The following CNTNAP2 variants were observed in gnomAD, a reference collection of about 807,000 sequenced individuals.
CNTNAP2 encodes contactin associated protein 2, also known as contactin-associated protein-like 2.
In CNTNAP2, 98 loss-of-function variants were observed where a neutral mutation model predicts 155.2. The observed-to-expected ratio is 0.63, with a 90% CI of 0.54 to 0.75. The LOEUF is 0.75. CNTNAP2 is among the 30% of genes least tolerant of loss of function. The probability of loss-of-function intolerance (pLI) is 0.00; values close to 1 mark genes in which losing one functional copy is unlikely to be tolerated. For synonymous variants in CNTNAP2, 651 were observed against 631.2 expected (o/e 1.03, Z -0.47); for missense variants, 1,727 against 1,688.1 (o/e 1.02, Z -0.40).
intron 10 of CNTNAP2, among the ~76,000 whole-genome samples, chr7:147,476,440 T>A (rs1461376739): frequency 1.3e-5 from 2 of 148,864 alleles, no homozygotes; most frequent in African/African-American, 2.4e-5. Flanking sequence ...GATTTCATCA[T>A]GACTTTTTAA....
chr7:147,237,175 C>T (rs953997115), intron 8 of CNTNAP2, among the ~76,000 whole-genome samples: 14 of 150,088 alleles, frequency 9.3e-5, no homozygotes, highest in South Asian at 4.2e-4. Flanking sequence ...AAGCAATTCT[C>T]GTGCCTCAGC....
intron 9 of CNTNAP2, among the ~76,000 whole-genome samples, chr7:147,360,987 C>T (rs1796138939): frequency 6.6e-6 from 1 of 152,056 alleles, no homozygotes; most frequent in Non-Finnish European, 1.5e-5. Context: ...AAACAACAAC[C>T]AAAGGTTATA....
intron 11 of CNTNAP2, among the ~76,000 whole-genome samples, chr7:147,522,552 G>A (rs2116708865): frequency 6.6e-6 from 1 of 151,814 alleles, no homozygotes; most frequent in African/African-American, 2.4e-5. Flanking sequence ...AAATTTCAAG[G>A]GAGCATATTA....
intron 1 of CNTNAP2, among the ~76,000 whole-genome samples, chr7:146,320,617 G>A (rs1800984310): frequency 6.6e-6 from 1 of 152,108 alleles, no homozygotes; most frequent in Non-Finnish European, 1.5e-5. Context: ...CTGAGGGTTT[G>A]GAGATAGCTC....
intron 13 of CNTNAP2, among the ~76,000 whole-genome samples, chr7:147,716,911 A>C (rs942573178): frequency 6.6e-6 from 1 of 152,174 alleles, no homozygotes; most frequent in Non-Finnish European, 1.5e-5. Flanking sequence ...TACCACAGCA[A>C]AACTAACCCG....
intron 1 of CNTNAP2, among the ~76,000 whole-genome samples, chr7:146,287,482 C>T (rs1800355660): frequency 6.6e-6 from 1 of 152,148 alleles, no homozygotes; most frequent in South Asian, 2.1e-4. Context: ...TTTTTCTCCT[C>T]CCCACAATCC....
At chr7:148,048,580 C>T (rs950708749) in intron 15 of CNTNAP2, among the ~76,000 whole-genome samples, 56 of 152,074 alleles carry the variant, frequency 3.7e-4, no homozygotes, top group African/African-American at 1.4e-3. Flanking sequence ...GTGTCTCTTA[C>T]TGAGAACTCT....
At chr7:146,246,745 G>A (rs988780433) in intron 1 of CNTNAP2, among the ~76,000 whole-genome samples, 14 of 152,174 alleles carry the variant, frequency 9.2e-5, no homozygotes, top group Non-Finnish European at 1.8e-4. Context: ...TGGACAGTCC[G>A]ATTTCTAGTG....
intron 18 of CNTNAP2, among the ~76,000 whole-genome samples, chr7:148,183,177 A>G (rs1247992035): frequency 6.6e-6 from 1 of 152,240 alleles, no homozygotes; most frequent in Non-Finnish European, 1.5e-5. Flanking sequence ...GGATAGAACC[A>G]ACTGCAGCAT....
intron 4 of CNTNAP2, among the ~76,000 whole-genome samples, chr7:147,096,858 C>T (rs189395848): frequency 1.1e-4 from 17 of 152,290 alleles, no homozygotes; most frequent in African/African-American, 4.1e-4. Flanking sequence ...GGTGTGTTCA[C>T]GAGCAGACCA....
intron 9 of CNTNAP2, among the ~76,000 whole-genome samples, chr7:147,361,890 A>G (rs1430706232): frequency 2.6e-5 from 4 of 152,188 alleles, no homozygotes; most frequent in African/African-American, 4.8e-5. Context: ...TCTCTACTGC[A>G]TGATATCAGA....
At chr7:146,637,203 C>G (rs1007928989) in intron 1 of CNTNAP2, among the ~76,000 whole-genome samples, 1 of 152,172 alleles carries the variant, frequency 6.6e-6, no homozygotes, top group African/African-American at 2.4e-5. Context: ...ACCATAGATT[C>G]TCTGATACAT....
intron 1 of CNTNAP2, among the ~76,000 whole-genome samples, chr7:146,383,381 C>T (rs1361122854): frequency 6.6e-6 from 1 of 152,018 alleles, no homozygotes; most frequent in Non-Finnish European, 1.5e-5. Context: ...GTATGGCATA[C>T]TGGAAAGGTC....
chr7:146,800,362 C>T (rs1385938790), intron 2 of CNTNAP2, among the ~76,000 whole-genome samples: 1 of 152,160 alleles, frequency 6.6e-6, no homozygotes, highest in Non-Finnish European at 1.5e-5. Flanking sequence ...GCCAAGCTGC[C>T]CGGGGTGGCC....
chr7:147,199,859 A>T (rs964495234), intron 8 of CNTNAP2, among the ~76,000 whole-genome samples: 2 of 151,932 alleles, frequency 1.3e-5, no homozygotes, highest in African/African-American at 4.8e-5. Context: ...TTGTTTCATT[A>T]TCTCAAGAAA....
chr7:146,969,421 T>A (rs998999357), intron 3 of CNTNAP2, among the ~76,000 whole-genome samples: 5 of 152,112 alleles, frequency 3.3e-5, no homozygotes, highest in Non-Finnish European at 7.3e-5. Flanking sequence ...TGTTAAAGTC[T>A]CCCATTATTA....
At chr7:146,480,403 A>G (rs1353216946) in intron 1 of CNTNAP2, among the ~76,000 whole-genome samples, 3 of 152,050 alleles carry the variant, frequency 2.0e-5, no homozygotes, top group African/African-American at 7.2e-5. Context: ...AAAAATTACA[A>G]TGTATATGAT....
intron 1 of CNTNAP2, among the ~76,000 whole-genome samples, chr7:146,589,836 C>T (rs1050973129): frequency 9.9e-5 from 15 of 151,936 alleles, no homozygotes; most frequent in Non-Finnish European, 1.9e-4. Context: ...TCCTGGTTTG[C>T]AGAAGGCACC....
chr7:146,596,607 G>C (rs1029950120), intron 1 of CNTNAP2, among the ~76,000 whole-genome samples: 4 of 143,076 alleles, frequency 2.8e-5, no homozygotes, highest in Non-Finnish European at 4.6e-5. Context: ...GAGAGAGAGA[G>C]AGAGAGAGAG....
Sources: allele counts gnomAD v4.1 joint callset (sites outside exome capture counted in the v4.1 genomes callset), GRCh38; gene constraint gnomAD v4.1.1; transcripts MANE v1.5; gene names NCBI Gene and HGNC (gene_info 2026-07-23, HGNC 2026-07-21).